The following PICALM variants were observed in gnomAD, a reference collection of about 807,000 sequenced individuals.
PICALM encodes phosphatidylinositol binding clathrin assembly protein.
A neutral mutation model predicts 80.5 loss-of-function variants in PICALM; 40 were observed. That is an observed-to-expected ratio of 0.50 (90% CI 0.39 to 0.65). The LOEUF (loss-of-function observed/expected upper bound fraction) is 0.65, where lower values mean the gene tolerates loss of function less well. Ranked by LOEUF, PICALM falls within the 30% of genes least tolerant of loss-of-function variation. PICALM has a pLI of 0.00. For synonymous variants in PICALM, 288 were observed against 260.3 expected, an observed-to-expected ratio of 1.11 and a Z score of -1.02; for missense variants, 676 against 778.9, an observed-to-expected ratio of 0.87 and a Z score of 1.57.
chr11:86,066,816 A>G (rs2096454873), intron 1 of PICALM, among the ~76,000 whole-genome samples: 1 of 152,190 alleles, frequency 6.6e-6, no homozygotes, highest in African/African-American at 2.4e-5. Flanking sequence ...GACAAACTGT[A>G]AGATTTGGTA....
At chr11:86,054,357 T>C (rs1432342861) in intron 1 of PICALM, among the ~76,000 whole-genome samples, 2 of 152,134 alleles carry the variant, frequency 1.3e-5, no homozygotes, top group East Asian at 1.9e-4. Flanking sequence ...AGCTAATAAA[T>C]GGGAGAAAGG....
chr11:86,007,950 T>G (rs2095312326), intron 7 of PICALM, among the ~76,000 whole-genome samples: 1 of 150,534 alleles, frequency 6.6e-6, no homozygotes, highest in East Asian at 1.9e-4. Flanking sequence ...ACAAGCTCTT[T>G]GATGCAAAAA....
At chr11:86,028,645 C>G (rs2095692540) in intron 2 of PICALM, among the ~76,000 whole-genome samples, 1 of 151,920 alleles carries the variant, frequency 6.6e-6, no homozygotes, top group African/African-American at 2.4e-5. Flanking sequence ...CCCAAGTCAC[C>G]CAGTTGGTAA....
At chr11:86,007,898 T>A (rs1022108835) in intron 7 of PICALM, among the ~76,000 whole-genome samples, 1 of 151,360 alleles carries the variant, frequency 6.6e-6, no homozygotes, top group East Asian at 1.9e-4. Context: ...ATGTGTAATA[T>A]GATAAAAACA....
At chr11:86,036,416 T>C (rs536745695) in intron 1 of PICALM, among the ~76,000 whole-genome samples, 1 of 152,350 alleles carries the variant, frequency 6.6e-6, no homozygotes, top group South Asian at 2.1e-4. Flanking sequence ...TATTTTTATA[T>C]AACTTCCAGT....
At chr11:85,977,943 G>T in intron 17 of PICALM, 1 of 755,862 alleles carries the variant, frequency 1.3e-6, no homozygotes. Context: ...ATGCTAGGAA[G>T]AATTTCTGGC....
intron 12 of PICALM, among the ~76,000 whole-genome samples, chr11:85,992,483 A>C (rs1291950800): frequency 6.6e-6 from 1 of 151,600 alleles, no homozygotes; most frequent in Non-Finnish European, 1.5e-5. Context: ...CGGGGGTTTC[A>C]CCATGTTGGC....
chr11:86,014,101 A>G (rs1363027803), intron 5 of PICALM, among the ~76,000 whole-genome samples: 2 of 152,222 alleles, frequency 1.3e-5, no homozygotes, highest in African/African-American at 4.8e-5. Flanking sequence ...AACACTTACT[A>G]TGTGCCACAT....
rs193085915 is a variant in PICALM at position 85,978,060 on chromosome 11, G to T, written c.1780-1378C>A. 8.7e-6 allele frequency: 14 copies of T among 1,610,750 alleles called. No homozygotes were observed. In the Admixed American group the frequency reaches 2.2e-4, roughly 25 times the overall value. On this transcript the variant is annotated intron_variant, in intron 17 of 19. Transcript: ENST00000393346. ...ATTTATTGCAAAAAGGCTCGTTTTTGGTCACTTACGTATTGTGGAAAATGC... is the reference window on the plus strand; with the variant it reads ...ATTTATTGCAAAAAGGCTCGTTTTTTGTCACTTACGTATTGTGGAAAATGC...
rs77556759 is a variant in PICALM at position 85,957,675 on chromosome 11, T to G, written c.*1371A>C. 375 of 199,836 alleles carry G rather than the reference T, an allele frequency of 1.9e-3. No homozygotes were observed. The highest frequency in any genetic ancestry group is 3.0e-3 in the Non-Finnish European group (294 of 96,478). The allele number at this position is 199,836 out of a possible 1,614,324, so 12.4% of individuals were successfully genotyped here. On this transcript the variant is annotated 3_prime_UTR_variant, in exon 20 of 20. Coordinates refer to ENST00000393346, the MANE Select transcript of PICALM (RefSeq NM_007166.4). ...AAATGCATCTCAGACCAGAATACCA[T>G]AACAAAACTTTTGTGGAAGCTGCAT...
At chr11:86,011,490 T>C (rs1221317418) in intron 6 of PICALM, among the ~76,000 whole-genome samples, 1 of 152,248 alleles carries the variant, frequency 6.6e-6, no homozygotes, top group Non-Finnish European at 1.5e-5. Flanking sequence ...TTATCTAAGA[T>C]AACAACTTTA....
rs11310524 is a variant in PICALM at position 85,991,666 on chromosome 11, T to TA, written c.1259-1268dup. 1.7e-3 allele frequency among the ~76,000 whole-genome samples: 242 copies of TA among 141,504 alleles called. 1 individual carries two copies. Among genetic ancestry groups the TA allele is most frequent in the African/African-American group, 3.0e-3 (115 of 38,880 alleles). 92.8% of individuals were successfully genotyped at this position (141,504 alleles called of 152,430 possible). On this transcript the variant is annotated intron_variant, in intron 12 of 19. Coordinates refer to ENST00000393346, the MANE Select transcript of PICALM (RefSeq NM_007166.4). ...ATTCTTATGGAACATCAATTCACAC[T>TA]AAAAAAAAAAAAGTCCTACAAATCT...
intron 1 of PICALM, among the ~76,000 whole-genome samples, chr11:86,040,495 C>T (rs897339477): frequency 6.6e-6 from 1 of 152,168 alleles, no homozygotes; most frequent in African/African-American, 2.4e-5. Flanking sequence ...TGAGCCACCG[C>T]ACTCAGCCAG....
At chr11:86,012,693 T>A (rs1167862569) in intron 5 of PICALM, among the ~76,000 whole-genome samples, 1 of 152,136 alleles carries the variant, frequency 6.6e-6, no homozygotes, top group Non-Finnish European at 1.5e-5. Context: ...CCAAATTAAT[T>A]CTAAGTTCTT....
Position 85,982,849 on chromosome 11 carries a change from C to A in PICALM, c.1517-846G>T, listed in dbSNP as rs564617255. On this transcript the variant is annotated intron_variant, in intron 14 of 19. Coordinates refer to ENST00000393346, the MANE Select transcript of PICALM (RefSeq NM_007166.4). ...AATTCTTAAAAATGAAAATAAAATT[C>A]TTTAAGTTTTCCTCACCAAATTATA... Among the ~76,000 whole-genome samples the A allele has an allele frequency of 5.9e-5, 9 of 152,192 alleles. No individual in the cohort carries two copies. In the South Asian group the frequency reaches 1.7e-3, roughly 28 times the overall value.
At chr11:86,061,065 A>T (rs2137673548) in intron 1 of PICALM, among the ~76,000 whole-genome samples, 1 of 152,368 alleles carries the variant, frequency 6.6e-6, no homozygotes, top group East Asian at 1.9e-4. Flanking sequence ...TCAGTGGCTC[A>T]TGCCTGTAAT....
chr11:86,066,921 A>G lies in PICALM; in HGVS notation c.130+1730T>C, dbSNP rs190702903. 4.1e-3 allele frequency among the ~76,000 whole-genome samples: 619 copies of G among 152,344 alleles called. 2 individuals carry two copies. Among genetic ancestry groups the G allele is most frequent in the African/African-American group, 0.013 (558 of 41,584 alleles). ...AAAATCACATATGGCTTTACGATGC[A>G]TTTTAAAAAGTTTTCTGTTCATAAG... On this transcript the variant is annotated intron_variant, in intron 1 of 19. Coordinates refer to ENST00000393346, the MANE Select transcript of PICALM (RefSeq NM_007166.4).
chr11:86,048,645 A>G (rs182445272), intron 1 of PICALM, among the ~76,000 whole-genome samples: 79 of 151,570 alleles, frequency 5.2e-4, no homozygotes, highest in African/African-American at 1.9e-3. Flanking sequence ...CATCCTGGCC[A>G]ACATGGTGAA....
intron 14 of PICALM, among the ~76,000 whole-genome samples, chr11:85,982,781 GC>G (rs1193454688): frequency 1.3e-5 from 2 of 151,932 alleles, no homozygotes; most frequent in Non-Finnish European, 2.9e-5. Flanking sequence ...CTAAGAAACT[GC>G]TAAATACTGT....
Sources: allele counts gnomAD v4.1 joint callset (sites outside exome capture counted in the v4.1 genomes callset), GRCh38; gene constraint gnomAD v4.1.1; transcripts MANE v1.5; gene names NCBI Gene and HGNC (gene_info 2026-07-23, HGNC 2026-07-21).